DDB1: variants seen among roughly 807,000 people sequenced by gnomAD.
DDB1 encodes the protein damage specific DNA binding protein 1, also known as DNA damage-binding protein 1.
DDB1 carries 18 observed loss-of-function variants against 133.1 expected under a neutral mutation model. The ratio of observed to expected loss-of-function variants is 0.14; its 90% CI spans 0.09 to 0.20. The LOEUF is 0.20. Ranked by LOEUF, DDB1 falls within the 10% of genes least tolerant of loss-of-function variation. The pLI is 1.00. For missense variants in DDB1, 828 were observed against 1,459.2 expected, an observed-to-expected ratio of 0.57 and a Z score of 7.05; for synonymous variants, 580 against 550.5, an observed-to-expected ratio of 1.05 and a Z score of -0.75.
At position 61,329,594 on chromosome 11, in the gene DDB1, A is replaced by C. The variant is rs1432218958; in HGVS notation, c.328-10T>G. On this transcript the variant is annotated splice_polypyrimidine_tract_variant and intron_variant, in intron 3 of 26. Coordinates refer to ENST00000301764, the MANE Select transcript of DDB1 (RefSeq NM_001923.5). ...GGCGGCCAATGCGGTCCTGAGAAAC[A>C]AAATCGGGATTAGGGAAGAACCTCA... 9 of 1,599,226 alleles carry C rather than the reference A, an allele frequency of 5.6e-6. No homozygotes were observed. Among genetic ancestry groups the C allele is most frequent in the African/African-American group, 5.4e-5 (4 of 74,594 alleles).
chr11:61,316,084 G>C (rs1714710371), intron 12 of DDB1: 3 of 502,158 alleles, frequency 6.0e-6, no homozygotes, highest in East Asian at 3.0e-5. Flanking sequence ...ATTTGCAGAA[G>C]AAAAATAAAG....
At chr11:61,327,150 C>G (rs532817044) in intron 4 of DDB1, among the ~76,000 whole-genome samples, 1 of 152,308 alleles carries the variant, frequency 6.6e-6, no homozygotes, top group South Asian at 2.1e-4. Flanking sequence ...GAAAAATGAA[C>G]TTGTCACACT....
At chr11:61,324,159 T>G in intron 6 of DDB1, 22 bp from the exon 7 acceptor site, 1 of 1,613,564 alleles carries the variant, frequency 6.2e-7, no homozygotes, top group Non-Finnish European at 8.5e-7. Flanking sequence ...AAGGAAACAG[T>G]CATTAGAGAT....
intron 10 of DDB1, 78 bp from the exon 11 acceptor site, chr11:61,316,645 G>A: frequency 1.4e-6 from 2 of 1,463,458 alleles, no homozygotes; most frequent in South Asian, 2.3e-5. Flanking sequence ...GGGCAGGCCA[G>A]GGGCAGTGGC....
chr11:61,303,700 CAAAAAAAAAA>C (rs59840297), intron 22 of DDB1, among the ~76,000 whole-genome samples, 155 bp downstream of exon 22: 4 of 44,250 alleles, frequency 9.0e-5, no homozygotes, highest in South Asian at 1.4e-3. Context: ...GACTGCGTCT[CAAAAAAAAAA>C]AAAAAAAAAA....
Position 61,313,863 on chromosome 11 carries a change from T to C in DDB1, c.1860A>G (p.Thr620=), listed in dbSNP as rs764066344. ...ALFYFGLNIE[T]GLLSDRKKVT... ...CCTCACTCAAAATACTACTCTCACC[T>C]GTCTCAATGTTGAGCCCAAAGTAGA... The change falls in exon 15 of 27, where the codon ACA becomes ACG. Residue 620 remains threonine, a splice_region_variant and synonymous_variant. Coordinates refer to ENST00000301764, the MANE Select transcript of DDB1 (RefSeq NM_001923.5). The C allele has an allele frequency of 3.1e-6, 5 of 1,614,042 alleles. No homozygotes were observed. The highest frequency in any genetic ancestry group is 4.2e-6 in the Non-Finnish European group (5 of 1,179,980).
intron 7 of DDB1, chr11:61,323,388 A>G: frequency 2.7e-6 from 1 of 374,486 alleles, no homozygotes; most frequent in Non-Finnish European, 4.9e-6. Flanking sequence ...GCCTCCTCCC[A>G]GAACTGAAAT....
At chr11:61,318,296 A>T (rs1479668034) in intron 10 of DDB1, among the ~76,000 whole-genome samples, 2 of 152,208 alleles carry the variant, frequency 1.3e-5, no homozygotes, top group Non-Finnish European at 2.9e-5. Flanking sequence ...TTGTATTTTT[A>T]TGTCACTTTA....
rs369927446 is a variant in DDB1, at chr11:61,332,999, G to T, written c.-31C>A. On this transcript the variant is annotated 5_prime_UTR_variant, in exon 1 of 27. Coordinates refer to ENST00000301764, the MANE Select transcript of DDB1 (RefSeq NM_001923.5). ...GGCTTGGAGCGGCCCGTCGGGACTC[G>T]AGCGCGACACTAGAAAGAGGGACAC... 2.4e-5 allele frequency: 35 copies of T among 1,482,902 alleles called. No homozygotes were observed. The African/African-American group carries it at 4.8e-4, about 20-fold the overall frequency. 91.9% of individuals were successfully genotyped at this position (1,482,902 alleles called of 1,614,324 possible). A position where few individuals can be genotyped will look rare whatever the true frequency, so the allele number is the denominator to read the frequency against.
At chr11:61,326,589 A>G (rs1378900453) in intron 5 of DDB1, among the ~76,000 whole-genome samples, 190 bp downstream of exon 5, 1 of 152,196 alleles carries the variant, frequency 6.6e-6, no homozygotes, top group African/African-American at 2.4e-5. Flanking sequence ...GAAGTGAAAA[A>G]CAGAAAATCT....
At chr11:61,325,454 C>CT (rs1273901601) in intron 6 of DDB1, among the ~76,000 whole-genome samples, 157 bp downstream of exon 6, 4 of 152,182 alleles carry the variant, frequency 2.6e-5, no homozygotes, top group Non-Finnish European at 5.9e-5. Flanking sequence ...GCTAATCTCT[C>CT]TCTGTATTCC....
At chr11:61,310,233 G>C in intron 19 of DDB1, 62 bp downstream of exon 19, 1 of 1,569,862 alleles carries the variant, frequency 6.4e-7, no homozygotes, top group Non-Finnish European at 8.6e-7. Context: ...AGGTACCAGA[G>C]CCCAGAACAG....
Position 61,331,518 on chromosome 11 carries a change from T to G in DDB1, c.210+25A>C, listed in dbSNP as rs150402073. On this transcript the variant is annotated intron_variant, in intron 2 of 26. Transcript: ENST00000301764. ...CTACGACCAACAGTTCCCCCTCCAC[T>G]GCTTGTCCCAACTGCAACACTTACC... is the stretch of plus-strand genomic sequence containing the variant. 2.2e-5 allele frequency: 36 copies of G among 1,607,628 alleles called. No homozygotes were observed. The East Asian group carries it at 7.8e-4, about 35-fold the overall frequency.
rs1417490815 is a variant in DDB1, at chr11:61,317,274, T to C, written c.1226-707A>G. Among the ~76,000 whole-genome samples, 5 of 151,198 alleles carry C rather than the reference T, an allele frequency of 3.3e-5. No individual in the cohort carries two copies. The South Asian group carries it at 8.3e-4, about 25-fold the overall frequency. ...GAAGGCAGGTGCCCGCCACCACACC[T>C]GGCTAATTTTTTGTATTTTTAGTAG... is the stretch of plus-strand genomic sequence containing the variant. On this transcript the variant is annotated intron_variant, in intron 10 of 26. Transcript: ENST00000301764.
chr11:61,323,296 C>T, intron 7 of DDB1: 2 of 580,370 alleles, frequency 3.4e-6, no homozygotes, highest in Non-Finnish European at 3.1e-6. Flanking sequence ...TGCATCCCTA[C>T]ACTCAGAAAA....
At chr11:61,328,847 G>A (rs1856315757) in intron 4 of DDB1, among the ~76,000 whole-genome samples, 1 of 151,962 alleles carries the variant, frequency 6.6e-6, no homozygotes, top group Non-Finnish European at 1.5e-5. Context: ...TCCGGCCTGG[G>A]CAACAGAGTG....
intron 8 of DDB1, 27 bp downstream of exon 8, chr11:61,322,984 A>G (rs1856208193): frequency 1.2e-6 from 2 of 1,601,260 alleles, no homozygotes; most frequent in Non-Finnish European, 1.7e-6. Context: ...ACAGCAAAAA[A>G]GAAACCAGAA....
At chr11:61,322,242 G>C in intron 9 of DDB1, 54 bp downstream of exon 9, 1 of 1,377,490 alleles carries the variant, frequency 7.3e-7, no homozygotes, top group Non-Finnish European at 1.0e-6. Flanking sequence ...ATAGCTAGGA[G>C]GACACAGTTT....
chr11:61,323,721 T>C (rs1856223233), intron 7 of DDB1: 2 of 425,646 alleles, frequency 4.7e-6, no homozygotes, highest in Non-Finnish European at 8.7e-6. Flanking sequence ...GCTAGATTGA[T>C]CTTTAATTCC....
Sources: allele counts gnomAD v4.1 joint callset (sites outside exome capture counted in the v4.1 genomes callset), GRCh38; gene constraint gnomAD v4.1.1; transcripts MANE v1.5; gene names NCBI Gene and HGNC (gene_info 2026-07-23, HGNC 2026-07-21).